Variants in HKDC1 observed in about 807,000 individuals in gnomAD.
The protein encoded by HKDC1 is hexokinase domain containing 1.
In HKDC1, 66 loss-of-function variants were observed where a neutral mutation model predicts 96.6. The observed-to-expected ratio is 0.68, with a 90% CI of 0.56 to 0.84. The LOEUF is 0.84. HKDC1 is among the 40% of genes least tolerant of loss of function. The pLI is 0.00. For missense variants in HKDC1, 1,211 were observed against 1,208.1 expected, an observed-to-expected ratio of 1.00 and a Z score of -0.04; for synonymous variants, 466 against 473.1, an observed-to-expected ratio of 0.98 and a Z score of 0.20.
intron 15 of HKDC1, 120 bp downstream of exon 15, chr10:69,259,079 A>G (rs1351480550): frequency 1.3e-6 from 1 of 779,172 alleles, no homozygotes; most frequent in Non-Finnish European, 1.9e-6. Flanking sequence ...AATGTCAGTG[A>G]AATATCCTAT....
At chr10:69,220,878 A>G (rs371305821) in intron 1 of HKDC1, among the ~76,000 whole-genome samples, 3 of 152,244 alleles carry the variant, frequency 2.0e-5, no homozygotes, top group Non-Finnish European at 4.4e-5. Context: ...GGCTGGGCGC[A>G]GTGGCTCACG....
At chr10:69,221,716 T>C (rs1843068833) in intron 1 of HKDC1, among the ~76,000 whole-genome samples, 1 of 151,950 alleles carries the variant, frequency 6.6e-6, no homozygotes, top group African/African-American at 2.4e-5. Context: ...ATCTCAAACT[T>C]GAGGTCAGGA....
At chr10:69,258,333 G>A (rs879784465) in intron 14 of HKDC1, among the ~76,000 whole-genome samples, 6 of 152,162 alleles carry the variant, frequency 3.9e-5, no homozygotes, top group Non-Finnish European at 2.9e-5. Flanking sequence ...TCATGGGCAA[G>A]GAAGAAGAGG....
At chr10:69,247,152 T>C (rs556683596) in intron 8 of HKDC1, among the ~76,000 whole-genome samples, 4 of 152,338 alleles carry the variant, frequency 2.6e-5, no homozygotes, top group Admixed American at 6.5e-5. Flanking sequence ...AGTTACTATG[T>C]GTAAAATCCT....
At chr10:69,253,895 G>A (rs12257901) in intron 12 of HKDC1, among the ~76,000 whole-genome samples, 9,423 of 152,248 alleles carry the variant, frequency 0.062, 969 homozygotes, top group African/African-American at 0.22. Context: ...CCAAGCTTCC[G>A]AGACTGGCAT....
rs539047847 is a variant in HKDC1, at chr10:69,247,736, A to C, written c.1265+143A>C. The C allele has an allele frequency of 4.5e-6, 3 of 669,692 alleles. No homozygotes were observed. The African/African-American group carries it at 5.4e-5, about 12-fold the overall frequency. The allele number at this position is 669,692 out of a possible 1,614,324, so 41.5% of individuals were successfully genotyped here. A position where few individuals can be genotyped will look rare whatever the true frequency, so the allele number is the denominator to read the frequency against. On this transcript the variant is annotated intron_variant, in intron 9 of 17. Transcript: ENST00000354624. ...TCTGAGATTACAAGGGAAAAGGTGA[A>C]TCCAGGGCCTGCATTCATCTAGCTG...
At chr10:69,248,810 T>G in intron 10 of HKDC1, 82 bp downstream of exon 10, 1 of 1,346,050 alleles carries the variant, frequency 7.4e-7, no homozygotes, top group East Asian at 2.5e-5. Flanking sequence ...GTTCTTGGTT[T>G]TTAGAAACTT....
intron 5 of HKDC1, among the ~76,000 whole-genome samples, 166 bp from the exon 6 acceptor site, chr10:69,240,486 C>G (rs1008961251): frequency 9.9e-5 from 15 of 152,180 alleles, no homozygotes; most frequent in African/African-American, 3.6e-4. Context: ...TTTCTCTCCC[C>G]TAGACCCTGA....
chr10:69,233,212 A>T (rs1221159133), intron 4 of HKDC1, 79 bp downstream of exon 4: 21 of 1,555,300 alleles, frequency 1.4e-5, no homozygotes, highest in Non-Finnish European at 1.7e-5. Flanking sequence ...GGCTGCACGC[A>T]GGAGAGAACA....
In HKDC1 at chr10:69,247,407, G is replaced by A; in HGVS notation, c.1079G>A (p.Gly360Asp). Residue 360 changes from glycine (G) to aspartate (D), a missense_variant, in exon 9 of 18, where the codon GGT (glycine) becomes GAT (aspartate). Physicochemically the swap from Gly to Asp is moderately conservative, Grantham distance 94. Coordinates refer to ENST00000354624, the MANE Select transcript of HKDC1 (RefSeq NM_025130.4). ...ACAAGAGAGATCCTGGTGGACCTGG[G>A]TCTGGAACCGTCTGAGGCTGACTGC... ...ANTREILVDL[G>D]LEPSEADCIA... is the part of the protein sequence containing the mutation. 3.7e-6 allele frequency: 6 copies of A among 1,614,008 alleles called. No homozygotes were observed. The highest frequency in any genetic ancestry group is 5.1e-6 in the Non-Finnish European group (6 of 1,179,984).
rs374743639 is a variant in HKDC1 at position 69,220,389 on chromosome 10, T to C, written c.-47T>C. On this transcript the variant is annotated 5_prime_UTR_variant, in exon 1 of 18. Coordinates refer to ENST00000354624, the MANE Select transcript of HKDC1 (RefSeq NM_025130.4). ...ACTCCAGAGTCGTAGGAGTGAACACTGCACAGGAATCTCTGCCCATCTCAG... is the reference window on the plus strand; with the variant it reads ...ACTCCAGAGTCGTAGGAGTGAACACCGCACAGGAATCTCTGCCCATCTCAG... The C allele has an allele frequency of 2.0e-6, 3 of 1,485,320 alleles. No homozygotes were observed. The African/African-American group carries it at 4.2e-5, about 21-fold the overall frequency. The allele number at this position is 1,485,320 out of a possible 1,614,324, so 92.0% of individuals were successfully genotyped here.
At chr10:69,260,515 TG>T (rs941516938) in intron 15 of HKDC1, among the ~76,000 whole-genome samples, 2 of 152,220 alleles carry the variant, frequency 1.3e-5, no homozygotes, top group African/African-American at 4.8e-5. Flanking sequence ...CACCATTTTT[TG>T]TTCTGGTGTT....
chr10:69,258,946 C>A lies in HKDC1; in HGVS notation c.2203C>A (p.Pro735Thr). 2 of 1,580,872 alleles carry A rather than the reference C, an allele frequency of 1.3e-6. No homozygotes were observed. Among genetic ancestry groups the A allele is most frequent in the Non-Finnish European group, 1.7e-6 (2 of 1,165,008 alleles). Reference sequence around the variant, plus strand: ...GGAGGTGGATGAGGGGTCCTTGAATCCTGGCAAGCAGAGGTGAAGAGGGTG... The same window carrying A: ...GGAGGTGGATGAGGGGTCCTTGAATACTGGCAAGCAGAGGTGAAGAGGGTG... Reference protein sequence around the residue: ...DTEVDEGSLNPGKQRYEKMTS... With the variant: ...DTEVDEGSLNTGKQRYEKMTS... The change falls in exon 15 of 18, where the codon CCT (proline) becomes ACT (threonine). Residue 735 changes from proline (P) to threonine (T), a missense_variant. By Grantham distance (38) the Pro-to-Thr change is conservative. Coordinates refer to ENST00000354624, the MANE Select transcript of HKDC1 (RefSeq NM_025130.4).
intron 8 of HKDC1, 103 bp downstream of exon 8, chr10:69,246,337 C>G: frequency 4.0e-6 from 5 of 1,254,010 alleles, no homozygotes; most frequent in Non-Finnish European, 3.4e-6. Context: ...AGATCCTCCT[C>G]CTTCACCAGG....
chr10:69,222,170 C>T (rs1311231585), intron 1 of HKDC1, among the ~76,000 whole-genome samples: 2 of 151,846 alleles, frequency 1.3e-5, no homozygotes, highest in Non-Finnish European at 2.9e-5. Flanking sequence ...TACAGTGAGC[C>T]GAGATCATGC....
intron 1 of HKDC1, among the ~76,000 whole-genome samples, chr10:69,221,747 A>G (rs1319302942): frequency 6.6e-6 from 1 of 152,156 alleles, no homozygotes; most frequent in East Asian, 1.9e-4. Flanking sequence ...AGCCTGGGCA[A>G]CATGGAGCAA....
chr10:69,231,234 G>A (rs1299620923), intron 2 of HKDC1, among the ~76,000 whole-genome samples: 1 of 152,152 alleles, frequency 6.6e-6, no homozygotes, highest in African/African-American at 2.4e-5. Context: ...TCTGGTTGGT[G>A]TCAGAGGCAT....
In HKDC1 at chr10:69,264,140, C is replaced by T. The variant is rs567480640; in HGVS notation, c.2373-1445C>T. 1.5e-4 allele frequency among the ~76,000 whole-genome samples: 23 copies of T among 151,550 alleles called. No individual in the cohort carries two copies. In the South Asian group the frequency reaches 3.3e-3, roughly 22 times the overall value. The stretch of plus-strand genomic sequence containing the variant: ...AACCTGGGCAACAAGAGTGAAACTC[C>T]GCCTCAAAAAGAAGAGAATTACCTG... On this transcript the variant is annotated intron_variant, in intron 16 of 17. Transcript: ENST00000354624.
chr10:69,242,730 C>T (rs1843473211), intron 6 of HKDC1, among the ~76,000 whole-genome samples: 1 of 152,110 alleles, frequency 6.6e-6, no homozygotes. Context: ...AAGGATGCAG[C>T]TTATGCTAGA....
Sources: gnomAD v4.1 joint callset for allele counts (sites outside exome capture counted in the v4.1 genomes callset) on GRCh38, gnomAD v4.1.1 for gene constraint, MANE v1.5 for transcripts, NCBI Gene and HGNC (gene_info 2026-07-23, HGNC 2026-07-21) for gene names.